The following MMS22L variants were observed in gnomAD, a reference collection of about 807,000 sequenced individuals.
MMS22L encodes protein MMS22-like.
Under a neutral mutation model 159.1 loss-of-function variants are expected in MMS22L, and 74 were observed. That is an observed-to-expected ratio of 0.47 (90% CI 0.39 to 0.56). The LOEUF is 0.56. Ranked by LOEUF, MMS22L falls within the 20% of genes least tolerant of loss-of-function variation. The pLI is 0.00. For synonymous variants in MMS22L, 517 were observed against 506.9 expected (o/e 1.02, Z -0.27); for missense variants, 1,351 against 1,422.1 (o/e 0.95, Z 0.80).
chr6:97,171,637 A>C (rs1034626247), intron 19 of MMS22L, among the ~76,000 whole-genome samples: 1 of 152,202 alleles, frequency 6.6e-6, no homozygotes, highest in African/African-American at 2.4e-5. Flanking sequence ...CTTAATATGA[A>C]AGGTGATTTC....
intron 11 of MMS22L, among the ~76,000 whole-genome samples, chr6:97,237,362 T>C (rs998223958): frequency 5.3e-5 from 8 of 152,124 alleles, no homozygotes; most frequent in Non-Finnish European, 8.8e-5. Flanking sequence ...AAAGCAGCAA[T>C]GCACAATTTT....
At chr6:97,147,531 T>C (rs1489172872) in intron 24 of MMS22L, among the ~76,000 whole-genome samples, 2 of 152,190 alleles carry the variant, frequency 1.3e-5, no homozygotes, top group Admixed American at 6.5e-5. Context: ...GGCCAGAATA[T>C]TTGTTTTAAC....
At chr6:97,280,208 CAT>C (rs1816635027) in intron 3 of MMS22L, among the ~76,000 whole-genome samples, 1 of 152,160 alleles carries the variant, frequency 6.6e-6, no homozygotes, top group Non-Finnish European at 1.5e-5. Context: ...AAATGTATCA[CAT>C]ATAGATTTTT....
At chr6:97,243,035 C>T (rs915758228) in intron 11 of MMS22L, among the ~76,000 whole-genome samples, 1 of 152,136 alleles carries the variant, frequency 6.6e-6, no homozygotes, top group Admixed American at 6.5e-5. Context: ...CTTTAGGTAA[C>T]CTGATGACTA....
chr6:97,272,860 A>G lies in MMS22L; in HGVS notation c.450T>C (p.Ala150=), dbSNP rs768392000. Residue 150 remains alanine (A), a synonymous_variant, in exon 6 of 25, where the codon GCT becomes GCC. Transcript: ENST00000683635. ...AAGGATGGACAGGAACATGACTCTC[A>G]GCATTCTGTACTTTCAGATACCTAA... is the stretch of plus-strand genomic sequence containing the variant. ...FIFRYLKVQN[A]ESHVPVHPYE... The G allele has an allele frequency of 9.3e-6, 15 of 1,613,156 alleles. No individual in the cohort carries two copies. Among genetic ancestry groups the G allele is most frequent in the Non-Finnish European group, 2.5e-6 (3 of 1,179,782 alleles).
intron 24 of MMS22L, among the ~76,000 whole-genome samples, chr6:97,149,523 C>T (rs962442040): frequency 6.6e-6 from 1 of 152,096 alleles, no homozygotes; most frequent in African/African-American, 2.4e-5. Context: ...AAAAACAAGA[C>T]ATCCAAGGCT....
chr6:97,221,842 G>C (rs890845900), intron 14 of MMS22L, among the ~76,000 whole-genome samples: 3 of 151,930 alleles, frequency 2.0e-5, no homozygotes, highest in African/African-American at 7.2e-5. Context: ...TGAAAGAGCA[G>C]ACATTTTGAG....
intron 15 of MMS22L, 47 bp downstream of exon 15, chr6:97,186,448 CAA>C: frequency 6.6e-7 from 1 of 1,522,010 alleles, no homozygotes; most frequent in South Asian, 1.2e-5. Context: ...AAAATACTGA[CAA>C]AGAGTCTGCA....
intron 14 of MMS22L, among the ~76,000 whole-genome samples, chr6:97,205,715 G>T (rs533098383): frequency 6.6e-6 from 1 of 152,154 alleles, no homozygotes; most frequent in Admixed American, 6.5e-5. Flanking sequence ...CCTGTGACAC[G>T]TCAATGCAGA....
intron 2 of MMS22L, 133 bp downstream of exon 2, chr6:97,282,181 C>A: frequency 1.2e-6 from 1 of 833,162 alleles, no homozygotes; most frequent in Non-Finnish European, 1.9e-6. Flanking sequence ...TCATTTGTAC[C>A]CTTATGATAT....
At chr6:97,171,005 C>G (rs1413561132) in intron 19 of MMS22L, among the ~76,000 whole-genome samples, 2 of 151,648 alleles carry the variant, frequency 1.3e-5, no homozygotes, top group Non-Finnish European at 2.9e-5. Flanking sequence ...GACTCTGTCT[C>G]AAAAACAACA....
In MMS22L at chr6:97,233,976, A is replaced by G; in HGVS notation, c.1187T>C (p.Val396Ala). The change falls in exon 12 of 25, where the codon GTC becomes GCC. Residue 396 changes from valine (V) to alanine (A), a missense_variant. Val to Ala is a moderately conservative substitution (Grantham distance 64, BLOSUM62 0). Coordinates refer to ENST00000683635, the MANE Select transcript of MMS22L (RefSeq NM_001350599.2). The part of the protein sequence containing the change: ...LLKKSISVQG[V>A]ILEEQLRMYL... ...CATTCGTAATTGTTCTTCTAGAATG[A>G]CACCCTAAAAAATAAACTGAAGTTA... is the stretch of plus-strand genomic sequence containing the variant. 1.2e-6 allele frequency: 2 copies of G among 1,603,214 alleles called. No individual in the cohort carries two copies. Among genetic ancestry groups the G allele is most frequent in the Admixed American group, 1.7e-5 (1 of 57,436 alleles).
chr6:97,215,529 C>T (rs1370446959), intron 14 of MMS22L, among the ~76,000 whole-genome samples: 1 of 152,112 alleles, frequency 6.6e-6, no homozygotes, highest in Non-Finnish European at 1.5e-5. Context: ...GACTGAATAG[C>T]AGGTCATCCC....
chr6:97,168,006 T>A (rs1402465484), intron 20 of MMS22L, 65 bp downstream of exon 20: 17 of 1,347,428 alleles, frequency 1.3e-5, no homozygotes, highest in Non-Finnish European at 1.6e-5. Flanking sequence ...TTTAGTAAAC[T>A]ATGTTTTTAA....
Position 97,165,395 on chromosome 6 carries a change from C to T in MMS22L, c.3072G>A (p.Gly1024=), listed in dbSNP as rs1172564778. Residue 1024 remains glycine, a synonymous_variant, in exon 21 of 25, where the codon GGG becomes GGA. Coordinates refer to ENST00000683635, the MANE Select transcript of MMS22L (RefSeq NM_001350599.2). ...NPNAYLNQLL[G]NVIEQYIGRF... is the part of the protein sequence containing the mutation. ...GCCCAATATACTGCTCAATAACATT[C>T]CCTAGCAATTGATTCAAATAGGCAT... The T allele has an allele frequency of 6.2e-7, 1 of 1,613,142 alleles. No homozygotes were observed. The highest frequency in any genetic ancestry group is 8.5e-7 in the Non-Finnish European group (1 of 1,179,546).
intron 15 of MMS22L, among the ~76,000 whole-genome samples, 179 bp downstream of exon 15, chr6:97,186,314 TAATC>T (rs1326130265): frequency 3.3e-5 from 5 of 152,114 alleles, no homozygotes; most frequent in Non-Finnish European, 7.3e-5. Context: ...TTTTAGTAAA[TAATC>T]ATTTAATTTT....
intron 16 of MMS22L, among the ~76,000 whole-genome samples, chr6:97,181,234 A>G (rs1804672996): frequency 6.6e-6 from 1 of 152,172 alleles, no homozygotes; most frequent in South Asian, 2.1e-4. Context: ...TTGTTACTAA[A>G]AAGAGGACTA....
intron 4 of MMS22L, among the ~76,000 whole-genome samples, chr6:97,277,877 C>T (rs1816392843): frequency 6.6e-6 from 1 of 152,094 alleles, no homozygotes; most frequent in Non-Finnish European, 1.5e-5. Flanking sequence ...CTCTGTTTGA[C>T]CAAAAGTGTT....
At chr6:97,194,970 G>C (rs1806327642) in intron 14 of MMS22L, among the ~76,000 whole-genome samples, 1 of 152,058 alleles carries the variant, frequency 6.6e-6, no homozygotes, top group African/African-American at 2.4e-5. Context: ...ATTCTAATGA[G>C]AGACAGATAA....
Sources: gnomAD v4.1 joint callset for allele counts (sites outside exome capture counted in the v4.1 genomes callset) on GRCh38, gnomAD v4.1.1 for gene constraint, MANE v1.5 for transcripts, NCBI Gene and HGNC (gene_info 2026-07-23, HGNC 2026-07-21) for gene names.